PRKCQ: variants seen among roughly 807,000 people sequenced by gnomAD.
PRKCQ encodes the protein protein kinase C theta type.
Under a neutral mutation model 91.2 loss-of-function variants are expected in PRKCQ, and 41 were observed. That is an observed-to-expected ratio of 0.45 (90% CI 0.35 to 0.58). The LOEUF is 0.58. Ranked by LOEUF, PRKCQ falls within the 20% of genes least tolerant of loss-of-function variation. The probability of loss-of-function intolerance (pLI) is 0.00; values close to 1 mark genes in which losing one functional copy is unlikely to be tolerated. For missense variants in PRKCQ, 673 were observed against 896.5 expected (o/e 0.75, Z 3.18); for synonymous variants, 307 against 316.9 (o/e 0.97, Z 0.33).
At chr10:6,488,705 C>T (rs11815181) in intron 8 of PRKCQ, among the ~76,000 whole-genome samples, 1,629 of 152,124 alleles carry the variant, frequency 0.011, 26 homozygotes, top group African/African-American at 0.038. Context: ...ATTACTAGAC[C>T]GAGTATATAG....
At chr10:6,455,343 C>T (rs569241133) in intron 15 of PRKCQ, among the ~76,000 whole-genome samples, 8 of 152,314 alleles carry the variant, frequency 5.3e-5, no homozygotes, top group South Asian at 4.1e-4. Flanking sequence ...CAATAAGCCT[C>T]GCTCTGTGAG....
At chr10:6,415,535 G>A in the PRKCQ span, among the ~76,000 whole-genome samples, 1 of 148,722 alleles carries the variant, frequency 6.7e-6, no homozygotes, top group Non-Finnish European at 1.5e-5. Context: ...GCTTAAGGAG[G>A]TGAAGGCATG....
the PRKCQ span, among the ~76,000 whole-genome samples, chr10:6,413,820 C>T: frequency 1.6e-5 from 2 of 127,982 alleles, no homozygotes; most frequent in Non-Finnish European, 3.3e-5. Flanking sequence ...GCCACTTGTG[C>T]GCGTGCACAC....
Position 6,462,345 on chromosome 10 carries a change from A to G in PRKCQ, c.1466T>C (p.Ile489Thr). Reference sequence around the variant, plus strand: ...GGAATGAAGGAACTGCAGACCAAGAATGATTTCAGCAGCATAAAACCTGGG... The same window carrying G: ...GGAATGAAGGAACTGCAGACCAAGAGTGATTTCAGCAGCATAAAACCTGGG... ...SRATFYAAEI[I>T]LGLQFLHSKG... Residue 489 changes from isoleucine (I) to threonine (T), a missense_variant, in exon 14 of 18, where the codon ATT becomes ACT. Transcript: ENST00000263125. 1 of 1,614,060 alleles carries G rather than the reference A, an allele frequency of 6.2e-7. No individual in the cohort carries two copies. Among genetic ancestry groups the G allele is most frequent in the Non-Finnish European group, 8.5e-7 (1 of 1,179,954 alleles).
At chr10:6,485,730 C>G (rs1588739180) in intron 9 of PRKCQ, among the ~76,000 whole-genome samples, 1 of 152,180 alleles carries the variant, frequency 6.6e-6, no homozygotes, top group East Asian at 1.9e-4. Context: ...TATTCTATAA[C>G]CCGAATATAT....
chr10:6,406,450 T>C, the PRKCQ span, among the ~76,000 whole-genome samples: 1 of 152,144 alleles, frequency 6.6e-6, no homozygotes, highest in Admixed American at 6.5e-5. Flanking sequence ...GTGGCTAAAA[T>C]TGTGATTGCA....
chr10:6,537,177 ATTCT>A (rs1478524994), intron 1 of PRKCQ, among the ~76,000 whole-genome samples: 3 of 152,104 alleles, frequency 2.0e-5, no homozygotes, highest in Non-Finnish European at 4.4e-5. Flanking sequence ...GAAGTTGGTG[ATTCT>A]TTTTTTTATT....
chr10:6,499,701 G>A (rs1175110704), intron 4 of PRKCQ, among the ~76,000 whole-genome samples: 1 of 152,146 alleles, frequency 6.6e-6, no homozygotes, highest in Non-Finnish European at 1.5e-5. Flanking sequence ...TAAAAAGCAG[G>A]TTCATCATAT....
chr10:6,412,468 G>C, the PRKCQ span, among the ~76,000 whole-genome samples: 1 of 152,106 alleles, frequency 6.6e-6, no homozygotes, highest in Non-Finnish European at 1.5e-5. Flanking sequence ...ACATCTAAAA[G>C]AACTGCCTTG....
intron 1 of PRKCQ, among the ~76,000 whole-genome samples, chr10:6,575,531 C>A (rs1222932762): frequency 6.6e-6 from 1 of 152,188 alleles, no homozygotes; most frequent in Non-Finnish European, 1.5e-5. Context: ...ACTGTCCTTT[C>A]CATGGCTTCC....
intron 17 of PRKCQ, 35 bp from the exon 18 acceptor site, chr10:6,428,397 G>A: frequency 3.8e-6 from 6 of 1,596,392 alleles, no homozygotes; most frequent in Non-Finnish European, 5.1e-6. Flanking sequence ...AGAAAGAGAA[G>A]AAAAATCAGC....
At chr10:6,409,568 T>C in the PRKCQ span, among the ~76,000 whole-genome samples, 1 of 152,230 alleles carries the variant, frequency 6.6e-6, no homozygotes, top group Non-Finnish European at 1.5e-5. Context: ...ATGCTGGGAT[T>C]ACAGGTGTGA....
At chr10:6,452,879 G>A (rs1169413348) in intron 15 of PRKCQ, among the ~76,000 whole-genome samples, 4 of 138,738 alleles carry the variant, frequency 2.9e-5, no homozygotes, top group Non-Finnish European at 6.2e-5. Flanking sequence ...TATGGAGAAA[G>A]CTGAAACTGG....
At chr10:6,485,122 A>G (rs572084851) in intron 10 of PRKCQ, 30 bp downstream of exon 10, 2 of 1,565,276 alleles carry the variant, frequency 1.3e-6, no homozygotes, top group East Asian at 2.2e-5. Flanking sequence ...AATGACTGAC[A>G]GTGATTAGAC....
At chr10:6,561,369 C>CAAAAAAAAAAAA (rs3086735) in intron 1 of PRKCQ, among the ~76,000 whole-genome samples, 2 of 82,638 alleles carry the variant, frequency 2.4e-5, no homozygotes, top group African/African-American at 9.7e-5. Context: ...GACCCTGTCT[C>CAAAAAAAAAAAA]AAAAAAAAAA....
At chr10:6,418,847 T>C in the PRKCQ span, among the ~76,000 whole-genome samples, 2 of 152,216 alleles carry the variant, frequency 1.3e-5, no homozygotes, top group Admixed American at 6.5e-5. Context: ...CTATGTATCA[T>C]CTATCTATTC....
At chr10:6,447,406 C>CAA (rs151312430) in intron 15 of PRKCQ, among the ~76,000 whole-genome samples, 15,891 of 119,316 alleles carry the variant, frequency 0.13, 1,072 homozygotes, top group Middle Eastern at 0.21. Context: ...GACTCCACCT[C>CAA]AAAAAAAAAA....
intron 15 of PRKCQ, among the ~76,000 whole-genome samples, chr10:6,446,144 A>AC (rs201225679): frequency 1.3e-5 from 2 of 151,726 alleles, no homozygotes; most frequent in African/African-American, 4.8e-5. Context: ...ATTGATAAGA[A>AC]CCCCCCTGAG....
intron 2 of PRKCQ, among the ~76,000 whole-genome samples, chr10:6,514,069 T>C (rs1274805503): frequency 6.6e-6 from 1 of 152,220 alleles, no homozygotes; most frequent in African/African-American, 2.4e-5. Context: ...TTTGACTTTT[T>C]TTCCCTCTAT....
Sources: gnomAD v4.1 joint callset for allele counts (sites outside exome capture counted in the v4.1 genomes callset) on GRCh38, gnomAD v4.1.1 for gene constraint, MANE v1.5 for transcripts, NCBI Gene and HGNC (gene_info 2026-07-23, HGNC 2026-07-21) for gene names.